Variants in POLK observed in about 807,000 individuals in gnomAD.
The protein encoded by POLK is polymerase (DNA directed) kappa.
Under a neutral mutation model 94.0 loss-of-function variants are expected in POLK, and 76 were observed. The ratio of observed to expected loss-of-function variants is 0.81; its 90% CI spans 0.67 to 0.98. POLK has a LOEUF of 0.98. POLK is among the 50% of genes least tolerant of loss of function. POLK has a pLI of 0.00. For synonymous variants in POLK, 349 were observed against 325.4 expected (o/e 1.07, Z -0.78); for missense variants, 954 against 1,010.1 (o/e 0.94, Z 0.75).
intron 1 of POLK, among the ~76,000 whole-genome samples, chr5:75,530,309 G>T (rs559471717): frequency 7.2e-6 from 1 of 138,396 alleles, no homozygotes; most frequent in East Asian, 2.2e-4. Flanking sequence ...GAGTGCATTG[G>T]CACGATCTAG....
In POLK at chr5:75,552,607, T is replaced by C. The variant is rs1477410328; in HGVS notation, c.255+16T>C. ...ACAATTACAGGTATTAATTAAATTG[T>C]TAAATAAAGTGGAAGCTGGTAGAAT... On this transcript the variant is annotated intron_variant, in intron 3 of 14. Coordinates refer to ENST00000241436, the Ensembl canonical transcript of POLK. 6 of 1,586,562 alleles carry C rather than the reference T, an allele frequency of 3.8e-6. No individual in the cohort carries two copies. Among genetic ancestry groups the C allele is most frequent in the Non-Finnish European group, 5.1e-6 (6 of 1,168,502 alleles).
At chr5:75,526,563 GTTTTTTTTTTGT>G (rs1561334756) in intron 1 of POLK, among the ~76,000 whole-genome samples, 1 of 132,554 alleles carries the variant, frequency 7.5e-6, no homozygotes, top group East Asian at 2.1e-4. Flanking sequence ...GATTTAATGG[GTTTTTTTTTTGT>G]TTTTTTTTTT....
At chr5:75,546,506 T>A (rs1770027734) in intron 1 of POLK, among the ~76,000 whole-genome samples, 1 of 152,178 alleles carries the variant, frequency 6.6e-6, no homozygotes, top group South Asian at 2.1e-4. Context: ...TTTTAGTAGC[T>A]AAAAATTCTT....
chr5:75,534,944 TA>T (rs1213066744), intron 1 of POLK: 2 of 152,212 alleles, frequency 1.3e-5, no homozygotes, highest in Non-Finnish European at 2.9e-5. Flanking sequence ...TTCTGTCTTT[TA>T]ATTGGGGTGT....
chr5:75,590,760 C>G (rs768784536), intron 11 of POLK, among the ~76,000 whole-genome samples: 8 of 152,098 alleles, frequency 5.3e-5, no homozygotes, highest in African/African-American at 1.7e-4. Flanking sequence ...GAGAATAAGG[C>G]AAAAGAAAGG....
At chr5:75,522,866 A>G (rs1190552837) in intron 1 of POLK, among the ~76,000 whole-genome samples, 1 of 152,124 alleles carries the variant, frequency 6.6e-6, no homozygotes, top group Non-Finnish European at 1.5e-5. Flanking sequence ...CTGTTAAAAA[A>G]AAAGAATCCT....
intron 2 of POLK, among the ~76,000 whole-genome samples, chr5:75,548,253 T>C (rs1355110058): frequency 6.6e-6 from 1 of 152,150 alleles, no homozygotes; most frequent in South Asian, 2.1e-4. Flanking sequence ...TATTTGTATT[T>C]CATTTTTTAT....
At position 75,527,502 on chromosome 5, in the gene POLK, T is replaced by TATACAC. The variant is rs555220325; in HGVS notation, c.-14+15589_-14+15590insTACACA. Among the ~76,000 whole-genome samples the TATACAC allele has an allele frequency of 7.2e-3, 960 of 133,004 alleles. 15 individuals are homozygous for TATACAC. Among genetic ancestry groups the TATACAC allele is most frequent in the African/African-American group, 0.024 (830 of 34,850 alleles). 87.3% of individuals were successfully genotyped at this position (133,004 alleles called of 152,430 possible). ...CTCAAAAAAAAAAAAAATTTATATA[T>TATACAC]ACACACACACACACACACACACACA... is the stretch of plus-strand genomic sequence containing the variant. On this transcript the variant is annotated intron_variant, in intron 1 of 14. Coordinates refer to ENST00000241436, the Ensembl canonical transcript of POLK.
chr5:75,529,489 A>C (rs1031766343), intron 1 of POLK, among the ~76,000 whole-genome samples: 1 of 152,160 alleles, frequency 6.6e-6, no homozygotes, highest in Admixed American at 6.5e-5. Context: ...AAAACCATGG[A>C]TGCATGGTTT....
intron 11 of POLK, among the ~76,000 whole-genome samples, chr5:75,591,960 T>G (rs1024464397): frequency 2.6e-5 from 4 of 152,234 alleles, no homozygotes; most frequent in Admixed American, 1.3e-4. Flanking sequence ...TTGCTAGGCT[T>G]CTCCACTGTG....
exon 7 of POLK, chr5:75,581,338 A>C: frequency 6.2e-7 from 1 of 1,614,014 alleles, no homozygotes; most frequent in Non-Finnish European, 8.5e-7. Flanking sequence ...GAAGAACAAA[A>C]CAATCCTCAA....
chr5:75,591,542 C>T (rs1772784342), intron 11 of POLK, among the ~76,000 whole-genome samples: 1 of 152,134 alleles, frequency 6.6e-6, no homozygotes, highest in Non-Finnish European at 1.5e-5. Context: ...GTACATTTGT[C>T]AAAAATAAGA....
chr5:75,579,289 G>GT (rs1479108233), intron 6 of POLK, among the ~76,000 whole-genome samples: 5 of 152,054 alleles, frequency 3.3e-5, no homozygotes, highest in Non-Finnish European at 7.4e-5. Flanking sequence ...TTTCTTTACC[G>GT]TGACTTCTAC....
At chr5:75,547,670 A>T (rs1770110787) in intron 2 of POLK, among the ~76,000 whole-genome samples, 1 of 152,224 alleles carries the variant, frequency 6.6e-6, no homozygotes, top group African/African-American at 2.4e-5. Context: ...ATAACTGTGG[A>T]AGAGATTCCT....
At chr5:75,542,566 C>T (rs971976547) in intron 1 of POLK, among the ~76,000 whole-genome samples, 4 of 151,082 alleles carry the variant, frequency 2.6e-5, no homozygotes, top group African/African-American at 9.7e-5. Context: ...AAAAGTTTGC[C>T]TTATATGTGT....
intron 3 of POLK, among the ~76,000 whole-genome samples, chr5:75,553,035 T>C (rs1770412032): frequency 6.6e-6 from 1 of 152,138 alleles, no homozygotes; most frequent in African/African-American, 2.4e-5. Context: ...ACTTAAAACA[T>C]AATCATGTTA....
intron 3 of POLK, among the ~76,000 whole-genome samples, chr5:75,558,995 A>G (rs1214841860): frequency 6.6e-6 from 1 of 152,188 alleles, no homozygotes; most frequent in Non-Finnish European, 1.5e-5. Context: ...TTGGTTGACT[A>G]TTTCATCAGA....
chr5:75,527,685 T>A (rs1768941625), intron 1 of POLK, among the ~76,000 whole-genome samples: 1 of 152,114 alleles, frequency 6.6e-6, no homozygotes, highest in Non-Finnish European at 1.5e-5. Flanking sequence ...TTCACTTAAA[T>A]TTTTAATTCT....
intron 10 of POLK, 89 bp downstream of exon 10, chr5:75,587,147 TA>T: frequency 2.5e-6 from 2 of 791,298 alleles, no homozygotes; most frequent in Admixed American, 5.5e-5. Flanking sequence ...ATCACTGAAA[TA>T]AGAAATCTAT....
Sources: allele counts gnomAD v4.1 joint callset (sites outside exome capture counted in the v4.1 genomes callset), GRCh38; gene constraint gnomAD v4.1.1; transcripts MANE v1.5; gene names NCBI Gene and HGNC (gene_info 2026-07-23, HGNC 2026-07-21).